The following SORCS3 variants were observed in gnomAD, a reference collection of about 807,000 sequenced individuals.
SORCS3 encodes VPS10 domain-containing receptor SorCS3.
Under a neutral mutation model 146.3 loss-of-function variants are expected in SORCS3, and 57 were observed. That is an observed-to-expected ratio of 0.39 (90% CI 0.31 to 0.49). The LOEUF is 0.49. SORCS3 is among the 20% of genes least tolerant of loss of function. SORCS3 has a pLI of 0.92. For synonymous variants in SORCS3, 653 were observed against 618.5 expected, an observed-to-expected ratio of 1.06 and a Z score of -0.83; for missense variants, 1,341 against 1,575.5, an observed-to-expected ratio of 0.85 and a Z score of 2.52.
intron 2 of SORCS3, among the ~76,000 whole-genome samples, chr10:104,907,049 A>G (rs2018913201): frequency 1.3e-5 from 2 of 151,898 alleles, no homozygotes; most frequent in African/African-American, 2.4e-5. Context: ...TGTGTAATAT[A>G]TTTAGTATTA....
rs115974772 is a variant in SORCS3 at position 104,869,653 on chromosome 10, G to T, written c.695+26794G>T. 8.3e-3 allele frequency among the ~76,000 whole-genome samples: 1,262 copies of T among 152,290 alleles called. 17 individuals carry two copies. Among genetic ancestry groups the T allele is most frequent in the African/African-American group, 0.029 (1,188 of 41,556 alleles). ...ACCATTTCTTCTGAAACCATAAGCA[G>T]AACACACCATGAACCATGTTTAAAT... is the stretch of plus-strand genomic sequence containing the variant. On this transcript the variant is annotated intron_variant, in intron 2 of 26. Transcript: ENST00000369701.
chr10:104,722,888 G>T (rs894888033), intron 1 of SORCS3, among the ~76,000 whole-genome samples: 2 of 151,882 alleles, frequency 1.3e-5, no homozygotes, highest in African/African-American at 4.8e-5. Flanking sequence ...TATTAGTCTT[G>T]CTAGCGGTCT....
intron 3 of SORCS3, among the ~76,000 whole-genome samples, chr10:104,972,906 G>A (rs552408359): frequency 2.6e-5 from 4 of 152,008 alleles, no homozygotes; most frequent in Admixed American, 6.6e-5. Flanking sequence ...TAGCATGAAG[G>A]GTTGTTGAAT....
chr10:104,720,971 T>C (rs570267244), intron 1 of SORCS3, among the ~76,000 whole-genome samples: 23 of 152,240 alleles, frequency 1.5e-4, no homozygotes, highest in Non-Finnish European at 2.8e-4. Flanking sequence ...ACAGAAGCTC[T>C]TGAGTTTAAT....
chr10:105,245,544 T>C lies in SORCS3; in HGVS notation c.2871T>C (p.Pro957=), dbSNP rs774895486. ...YFWWFGNSTK[P]LITLDSSISF... is the part of the protein sequence containing the mutation. ...AGTATTGTTACTTCTTCTTGTAGCCTCTCATCACTTTGGACAGCAGCATTT... is the reference window on the plus strand; with the variant it reads ...AGTATTGTTACTTCTTCTTGTAGCCCCTCATCACTTTGGACAGCAGCATTT... The change falls in exon 21 of 27, where the codon CCT becomes CCC. Residue 957 remains proline, a splice_region_variant and synonymous_variant. Coordinates refer to ENST00000369701, the MANE Select transcript of SORCS3 (RefSeq NM_014978.3). The C allele has an allele frequency of 1.9e-6, 3 of 1,614,106 alleles. No individual in the cohort carries two copies. The highest frequency in any genetic ancestry group is 2.5e-6 in the Non-Finnish European group (3 of 1,179,978).
intron 4 of SORCS3, among the ~76,000 whole-genome samples, chr10:105,000,539 A>G (rs1211962746): frequency 1.3e-5 from 2 of 152,122 alleles, no homozygotes; most frequent in African/African-American, 4.8e-5. Context: ...ATCAATGGAC[A>G]TAGACAGTTT....
At chr10:104,684,066 T>A (rs1228069222) in intron 1 of SORCS3, among the ~76,000 whole-genome samples, 2 of 152,176 alleles carry the variant, frequency 1.3e-5, no homozygotes, top group African/African-American at 4.8e-5. Flanking sequence ...AGTTACTGTA[T>A]CTTGAAGTTT....
intron 3 of SORCS3, among the ~76,000 whole-genome samples, chr10:104,930,331 T>C (rs950953398): frequency 2.6e-5 from 4 of 152,186 alleles, no homozygotes; most frequent in African/African-American, 9.6e-5. Flanking sequence ...TGCTTCATAG[T>C]AATAATAAAA....
At chr10:104,810,824 T>C (rs1045427730) in intron 1 of SORCS3, among the ~76,000 whole-genome samples, 2 of 152,248 alleles carry the variant, frequency 1.3e-5, no homozygotes, top group African/African-American at 4.8e-5. Flanking sequence ...CTAGCAAATA[T>C]TTGTTTATTT....
At chr10:104,781,122 G>A (rs2017369411) in intron 1 of SORCS3, among the ~76,000 whole-genome samples, 1 of 152,232 alleles carries the variant, frequency 6.6e-6, no homozygotes, top group Admixed American at 6.5e-5. Flanking sequence ...GTAGGCAGGT[G>A]TAGTAGTAAT....
chr10:104,687,520 A>T (rs2016059545), intron 1 of SORCS3, among the ~76,000 whole-genome samples: 1 of 152,192 alleles, frequency 6.6e-6, no homozygotes, highest in Non-Finnish European at 1.5e-5. Flanking sequence ...GGTGTAAATG[A>T]TCTATGTGAA....
intron 6 of SORCS3, among the ~76,000 whole-genome samples, chr10:105,103,972 C>T (rs1421237932): frequency 6.6e-6 from 1 of 152,152 alleles, no homozygotes; most frequent in Non-Finnish European, 1.5e-5. Flanking sequence ...CCAAACAATA[C>T]CCAATATGTA....
At chr10:105,042,312 T>C (rs542409027) in intron 4 of SORCS3, among the ~76,000 whole-genome samples, 1 of 152,346 alleles carries the variant, frequency 6.6e-6, no homozygotes, top group East Asian at 1.9e-4. Context: ...GTAATAACTG[T>C]CCTACCTTCC....
intron 2 of SORCS3, among the ~76,000 whole-genome samples, chr10:104,892,447 A>G (rs1164547224): frequency 6.6e-6 from 1 of 152,194 alleles, no homozygotes; most frequent in Non-Finnish European, 1.5e-5. Flanking sequence ...TCTGGCCGGG[A>G]GCAGTGTATC....
At chr10:104,791,856 AG>A (rs1032654146) in intron 1 of SORCS3, among the ~76,000 whole-genome samples, 2 of 152,140 alleles carry the variant, frequency 1.3e-5, no homozygotes, top group African/African-American at 4.8e-5. Flanking sequence ...ATGAATGAAG[AG>A]GGTTCATTCT....
chr10:104,778,931 T>C (rs947970336), intron 1 of SORCS3, among the ~76,000 whole-genome samples: 2 of 152,068 alleles, frequency 1.3e-5, no homozygotes, highest in Admixed American at 1.3e-4. Flanking sequence ...CAAAAGGGAC[T>C]TTGCATACAT....
chr10:104,699,942 A>C (rs1344890369), intron 1 of SORCS3, among the ~76,000 whole-genome samples: 1 of 152,214 alleles, frequency 6.6e-6, no homozygotes, highest in Non-Finnish European at 1.5e-5. Context: ...CTTACAGATT[A>C]TTTTCTCACC....
chr10:104,969,303 TTGTGTG>T (rs59557629), intron 3 of SORCS3, among the ~76,000 whole-genome samples: 3,668 of 140,598 alleles, frequency 0.026, 83 homozygotes, highest in African/African-American at 0.054. Flanking sequence ...TCAAAAAGGA[TTGTGTG>T]TGTGTGTGTG....
chr10:104,893,669 G>T (rs1459945198), intron 2 of SORCS3, among the ~76,000 whole-genome samples: 2 of 152,108 alleles, frequency 1.3e-5, no homozygotes, highest in Non-Finnish European at 2.9e-5. Context: ...TATGAATTAG[G>T]GCTCGTTTCC....
Sources: allele counts gnomAD v4.1 joint callset (sites outside exome capture counted in the v4.1 genomes callset), GRCh38; gene constraint gnomAD v4.1.1; transcripts MANE v1.5; gene names NCBI Gene and HGNC (gene_info 2026-07-23, HGNC 2026-07-21).